RINL: variants seen among roughly 807,000 people sequenced by gnomAD.
RINL encodes the protein Ras and Rab interactor like, also known as ras and Rab interactor-like protein.
A neutral mutation model predicts 58.1 loss-of-function variants in RINL; 39 were observed. The ratio of observed to expected loss-of-function variants is 0.67; its 90% confidence interval spans 0.52 to 0.88. The LOEUF (loss-of-function observed/expected upper bound fraction) is 0.88. Ranked by LOEUF, RINL falls within the 40% of genes least tolerant of loss-of-function variation. RINL has a pLI of 0.00. For synonymous variants in RINL, 286 were observed against 323.1 expected, an observed-to-expected ratio of 0.89 and a Z score of 1.23; for missense variants, 711 against 749.2, an observed-to-expected ratio of 0.95 and a Z score of 0.60.
chr19:38,877,392 G>A (rs1439059214), intron 1 of RINL, among the ~76,000 whole-genome samples: 1 of 152,164 alleles, frequency 6.6e-6, no homozygotes, highest in Non-Finnish European at 1.5e-5. Flanking sequence ...GCCAGCCCTT[G>A]GCAAAACCCA....
rs945772139 is a variant in RINL at position 38,877,503 on chromosome 19, A to G, written c.-39-722T>C. ...TCCCTTCCCACACCATGGAGGGGCC[A>G]CTGAATCTCTTCCCCCAGCATTTTA... On this transcript the variant is annotated intron_variant, in intron 1 of 11. Coordinates refer to ENST00000591812, the MANE Select transcript of RINL (RefSeq NM_001195833.2). Among the ~76,000 whole-genome samples, 3 of 152,228 alleles carry G rather than the reference A, an allele frequency of 2.0e-5. No individual in the cohort carries two copies. The East Asian group carries it at 5.8e-4, about 29-fold the overall frequency.
Position 38,869,685 on chromosome 19 carries a change from G to A in RINL, c.1362C>T (p.Ala454=), listed in dbSNP as rs1972754806. The stretch of plus-strand genomic sequence containing the variant: ...GTTCCTCGGTCAGCGCCGGCAGGAA[G>A]GCGTCGGCCCCCAGGGGATCTGGGA... ...GENQDPLGAD[A]FLPALTEELI... The change falls in exon 10 of 12, where the codon GCC becomes GCT. Residue 454 remains alanine (A), a synonymous_variant. Transcript: ENST00000591812. The surrounding 1 kb of genome is among the most constrained non-coding windows in gnomAD (Gnocchi z 5.7). 1 of 1,613,780 alleles carries A rather than the reference G, an allele frequency of 6.2e-7. No individual in the cohort carries two copies. The highest frequency in any genetic ancestry group is 8.5e-7 in the Non-Finnish European group (1 of 1,180,014).
At position 38,878,268 on chromosome 19, in the gene RINL, G is replaced by A. The variant is rs1307326437; in HGVS notation, c.-76C>T. 1 of 152,658 alleles carries A rather than the reference G, an allele frequency of 6.6e-6. No individual in the cohort carries two copies. Among genetic ancestry groups the A allele is most frequent in the Non-Finnish European group, 1.5e-5 (1 of 68,324 alleles). The allele number at this position is 152,658 out of a possible 1,614,324, so 9.5% of individuals were successfully genotyped here. A position where few individuals can be genotyped will look rare whatever the true frequency, so the allele number is the denominator to read the frequency against. On this transcript the variant is annotated 5_prime_UTR_variant, in exon 1 of 12. Transcript: ENST00000591812. ...GGAGAGGCCTGCAGTAGCAGGAAGT[G>A]GAGAGAGGAAGCTGAGCAGGCAGGG...
Position 38,869,433 on chromosome 19 carries a change from G to A in RINL, c.1475-23C>T. The A allele has an allele frequency of 6.3e-7, 1 of 1,580,784 alleles. No homozygotes were observed. The highest frequency in any genetic ancestry group is 8.6e-7 in the Non-Finnish European group (1 of 1,160,566). On this transcript the variant is annotated intron_variant, in intron 10 of 11. Coordinates refer to ENST00000591812, the MANE Select transcript of RINL (RefSeq NM_001195833.2). The surrounding 1 kb of genome is among the most constrained non-coding windows in gnomAD (Gnocchi z 5.7). ...CAGCTGGGGACAGAAAGGGAAGTCA[G>A]CTCCGCCCTCTCGGCTTCCCTGGTC...
intron 4 of RINL, among the ~76,000 whole-genome samples, chr19:38,873,184 G>A (rs1318753689): frequency 6.6e-6 from 1 of 152,188 alleles, no homozygotes; most frequent in East Asian, 1.9e-4. Flanking sequence ...TCTAGGAAAA[G>A]CATTCATACA....
rs371522443 is a variant in RINL at position 38,871,234 on chromosome 19, C to G, written c.452-7G>C. 23 of 1,613,764 alleles carry G rather than the reference C, an allele frequency of 1.4e-5. No homozygotes were observed. In the African/African-American group the frequency reaches 3.1e-4, roughly 22 times the overall value. On this transcript the variant is annotated splice_region_variant and splice_polypyrimidine_tract_variant and intron_variant, in intron 6 of 11. Coordinates refer to ENST00000591812, the MANE Select transcript of RINL (RefSeq NM_001195833.2). ...CTGCCGATCTGCACAGGATCTGGAG[C>G]CAGCAGAAGTGAGAAGGTGTCCTAG...
At chr19:38,876,892 C>A in intron 1 of RINL, 111 bp from the exon 2 acceptor site, 3 of 646,290 alleles carry the variant, frequency 4.6e-6, no homozygotes, top group Middle Eastern at 3.2e-4. Context: ...ACCCCAGAGG[C>A]CGCTTGCCGT....
chr19:38,869,406 C>A lies in RINL; in HGVS notation c.1479G>T (p.Gly493=). The change falls in exon 11 of 12, where the codon GGG becomes GGT. Residue 493 remains glycine (G), a synonymous_variant. Transcript: ENST00000591812. This position sits in a 1 kb window ranked among gnomAD's most constrained non-coding sequence, Gnocchi z 5.7. The part of the protein sequence containing the change: ...LDPDELRGEA[G]YYLTTWFGAL... ...CCCCAAACCACGTGGTCAGGTAGTA[C>A]CCAGCTGGGGACAGAAAGGGAAGTC... is the stretch of plus-strand genomic sequence containing the variant. 5 of 1,598,802 alleles carry A rather than the reference C, an allele frequency of 3.1e-6. No individual in the cohort carries two copies. Among genetic ancestry groups the A allele is most frequent in the Non-Finnish European group, 3.4e-6 (4 of 1,169,968 alleles).
chr19:38,876,594 G>A, intron 2 of RINL, 99 bp downstream of exon 2: 1 of 1,451,822 alleles, frequency 6.9e-7, no homozygotes, highest in Non-Finnish European at 9.3e-7. Context: ...CAGAGGCTCA[G>A]AGATGTGATT....
At chr19:38,877,287 C>A (rs1453740155) in intron 1 of RINL, among the ~76,000 whole-genome samples, 1 of 152,066 alleles carries the variant, frequency 6.6e-6, no homozygotes, top group Non-Finnish European at 1.5e-5. Flanking sequence ...GTGTGTCTTG[C>A]GGTGTGGGGA....
intron 3 of RINL, among the ~76,000 whole-genome samples, chr19:38,874,418 G>A (rs1050192869): frequency 2.0e-5 from 3 of 152,232 alleles, no homozygotes; most frequent in South Asian, 4.2e-4. Flanking sequence ...GATTACGGGC[G>A]ACTGCCACCA....
rs200576310 is a variant in RINL, at chr19:38,871,129, C to A, written c.550G>T (p.Glu184Ter). 7 of 1,613,184 alleles carry A rather than the reference C, an allele frequency of 4.3e-6. No individual in the cohort carries two copies. The highest frequency in any genetic ancestry group is 5.9e-6 in the Non-Finnish European group (7 of 1,179,612). The stretch of plus-strand genomic sequence containing the variant: ...GGCTCTGTTTCTTGAGGGGTCTGCT[C>A]CCTCCCCCAGCCTCTGTGGGTCTCC... ...YLETHRGWGR[E>*]QTPQETEPEA... Residue 184 changes from glutamate (E) to a stop codon, truncating the protein, a stop_gained, in exon 7 of 12, where the codon GAG becomes TAG. Transcript: ENST00000591812. LOFTEE classifies it high-confidence loss of function.
chr19:38,870,438 T>C lies in RINL; in HGVS notation c.1024+132A>G. The stretch of plus-strand genomic sequence containing the variant: ...TAGCCTGGGTGTGAACTTGCGCGCA[T>C]ACGTGGGCGATAGAACGCGTGGGAT... On this transcript the variant is annotated intron_variant, in intron 8 of 11. Coordinates refer to ENST00000591812, the MANE Select transcript of RINL (RefSeq NM_001195833.2). The surrounding 1 kb of genome is among the most constrained non-coding windows in gnomAD (Gnocchi z 5.8). 1 of 1,142,696 alleles carries C rather than the reference T, an allele frequency of 8.8e-7. No homozygotes were observed. The highest frequency in any genetic ancestry group is 1.2e-6 in the Non-Finnish European group (1 of 832,724). The allele number at this position is 1,142,696 out of a possible 1,614,324, so 70.8% of individuals were successfully genotyped here.
At chr19:38,877,425 G>C (rs1972959287) in intron 1 of RINL, among the ~76,000 whole-genome samples, 1 of 152,180 alleles carries the variant, frequency 6.6e-6, no homozygotes, top group Admixed American at 6.5e-5. Context: ...AAAAGTTCTT[G>C]GCCCAGAGTA....
intron 4 of RINL, among the ~76,000 whole-genome samples, 157 bp from the exon 5 acceptor site, chr19:38,872,027 G>T (rs1046236408): frequency 1.3e-5 from 2 of 152,140 alleles, no homozygotes; most frequent in Admixed American, 6.6e-5. Context: ...TTACTCTTGT[G>T]TACCACTTAT....
In RINL at chr19:38,869,958, G is replaced by A. The variant is rs755254038; in HGVS notation, c.1327C>T (p.Arg443Ter). ...VCRDVYAGLA[R>*]GENQDPLGAD... The stretch of plus-strand genomic sequence containing the variant: ...CCTCCCTTACCTTGGTTCTCGCCTC[G>A]AGCCAGGCCCGCATAGACATCTCTG... Residue 443 changes from arginine (R) to a stop codon, truncating the protein, a stop_gained, in exon 9 of 12, where the codon CGA becomes TGA. Transcript: ENST00000591812. LOFTEE classifies it high-confidence loss of function. This position sits in a 1 kb window ranked among gnomAD's most constrained non-coding sequence, Gnocchi z 5.7. The A allele has an allele frequency of 1.3e-6, 2 of 1,599,074 alleles. No homozygotes were observed. Among genetic ancestry groups the A allele is most frequent in the South Asian group, 2.3e-5 (2 of 88,870 alleles).
intron 1 of RINL, among the ~76,000 whole-genome samples, chr19:38,877,280 T>C (rs1393421649): frequency 6.6e-6 from 1 of 152,138 alleles, no homozygotes; most frequent in Non-Finnish European, 1.5e-5. Flanking sequence ...GAGGCCAGTG[T>C]GTCTTGCGGT....
Position 38,873,920 on chromosome 19 carries a change from T to G in RINL, c.279A>C (p.Glu93Asp). ...TCTTCTGGATCTGGTAGGTATTGAC[T>G]TCTCCTGGTAAAGGTCCTGACCTCA... ...LVLRSGPLPG[E>D]VNTYQIQKIP... Residue 93 changes from glutamate to aspartate, a missense_variant, in exon 4 of 12, where the codon GAA (glutamate) becomes GAC (aspartate). Physicochemically the swap from Glu to Asp is conservative, Grantham distance 45. Coordinates refer to ENST00000591812, the MANE Select transcript of RINL (RefSeq NM_001195833.2). 6.5e-7 allele frequency: 1 copy of G among 1,535,854 alleles called. No individual in the cohort carries two copies. Among genetic ancestry groups the G allele is most frequent in the East Asian group, 2.4e-5 (1 of 40,910 alleles).
intron 3 of RINL, among the ~76,000 whole-genome samples, chr19:38,875,679 T>A (rs367752544): frequency 2.0e-5 from 3 of 147,638 alleles, no homozygotes; most frequent in African/African-American, 2.5e-5. Flanking sequence ...CTCTCAAAAT[T>A]AAAAAAAAAA....
Sources: allele counts gnomAD v4.1 joint callset (sites outside exome capture counted in the v4.1 genomes callset), GRCh38; gene constraint gnomAD v4.1.1; non-coding constraint Gnocchi (gnomAD v3.1); transcripts MANE v1.5; gene names NCBI Gene and HGNC (gene_info 2026-07-23, HGNC 2026-07-21).